Variants in PCDH15 observed in about 807,000 individuals in gnomAD.
The protein encoded by PCDH15 is protocadherin-15.
In PCDH15, 129 loss-of-function variants were observed where a neutral mutation model predicts 178.5. That is an observed-to-expected ratio of 0.72 (90% CI 0.63 to 0.84). The LOEUF (loss-of-function observed/expected upper bound fraction) is 0.84, where lower values mean the gene tolerates loss of function less well. PCDH15 is among the 40% of genes least tolerant of loss of function. The pLI, the probability that PCDH15 is intolerant of heterozygous loss-of-function variation, is 0.00. For missense variants in PCDH15, 2,230 were observed against 2,099.9 expected (o/e 1.06, Z -1.21); for synonymous variants, 800 against 732.0 (o/e 1.09, Z -1.50).
At chr10:54,997,809 G>C (rs922999133) in intron 2 of PCDH15, among the ~76,000 whole-genome samples, 14 of 152,074 alleles carry the variant, frequency 9.2e-5, no homozygotes, top group African/African-American at 4.8e-5. Context: ...AAAAATGAAA[G>C]ATTCCAGTAC....
intron 2 of PCDH15, among the ~76,000 whole-genome samples, chr10:55,016,425 C>T (rs913609027): frequency 2.6e-5 from 4 of 152,108 alleles, no homozygotes; most frequent in Non-Finnish European, 4.4e-5. Flanking sequence ...CCCCAGCCCC[C>T]GGTAACTGGC....
intron 2 of PCDH15, among the ~76,000 whole-genome samples, chr10:55,435,135 A>T (rs1184741686): frequency 6.6e-6 from 1 of 152,172 alleles, no homozygotes; most frequent in East Asian, 1.9e-4. Flanking sequence ...TCAGAAAAAA[A>T]TAGTAAGTAA....
chr10:54,706,032 C>T (rs2095361993), intron 1 of PCDH15, among the ~76,000 whole-genome samples: 1 of 152,096 alleles, frequency 6.6e-6, no homozygotes. Flanking sequence ...TAACAGTGAG[C>T]CAGATATTTT....
chr10:54,494,141 A>G, intron 3 of PCDH15, among the ~76,000 whole-genome samples: 1 of 151,730 alleles, frequency 6.6e-6, no homozygotes, highest in Non-Finnish European at 1.5e-5. Context: ...ATGCTAAATG[A>G]CGAGTTAATG....
At chr10:54,563,875 TG>T in intron 2 of PCDH15, among the ~76,000 whole-genome samples, 1 of 152,136 alleles carries the variant, frequency 6.6e-6, no homozygotes, top group Non-Finnish European at 1.5e-5. Context: ...CTTATTCCTC[TG>T]GTCAGTGTTG....
intron 2 of PCDH15, among the ~76,000 whole-genome samples, chr10:54,910,409 T>G (rs957126025): frequency 1.3e-5 from 2 of 152,228 alleles, no homozygotes; most frequent in African/African-American, 4.8e-5. Context: ...TTTGAGTGTC[T>G]ATGTTATCTG....
At chr10:55,548,930 G>A (rs1315682026) in intron 2 of PCDH15, among the ~76,000 whole-genome samples, 1 of 151,910 alleles carries the variant, frequency 6.6e-6, no homozygotes, top group Non-Finnish European at 1.5e-5. Flanking sequence ...AAAAGATGAT[G>A]GTTTAGAAAA....
At chr10:55,381,248 G>A (rs971941727) in intron 2 of PCDH15, among the ~76,000 whole-genome samples, 2 of 152,150 alleles carry the variant, frequency 1.3e-5, no homozygotes, top group Non-Finnish European at 2.9e-5. Flanking sequence ...AGAATCAATA[G>A]TATCAAACAA....
In PCDH15 at chr10:55,464,756, G is replaced by A. The variant is rs550533727; in HGVS notation, c.-156+162869C>T. 3.4e-5 allele frequency among the ~76,000 whole-genome samples: 5 copies of A among 149,252 alleles called. No individual in the cohort carries two copies. The East Asian group carries it at 7.8e-4, about 23-fold the overall frequency. On this transcript the variant is annotated intron_variant, in intron 2 of 5. Transcript: ENST00000613346. ...TATATGCAACAGTATATTGGGAGAA[G>A]TAACAATGATAAAAATTTCCTTTAG... is the stretch of plus-strand genomic sequence containing the variant.
intron 25 of PCDH15, among the ~76,000 whole-genome samples, chr10:53,921,539 A>C (rs534238781): frequency 6.6e-6 from 1 of 152,224 alleles, no homozygotes; most frequent in East Asian, 1.9e-4. Flanking sequence ...ACCCCTGGCC[A>C]AGGATACACA....
intron 25 of PCDH15, among the ~76,000 whole-genome samples, chr10:53,910,020 G>A (rs140411851): frequency 0.012 from 1,752 of 152,238 alleles, 38 homozygotes; most frequent in African/African-American, 0.04. Flanking sequence ...AAACTGGGAG[G>A]AGCCCACCGC....
chr10:54,313,321 C>T (rs857374), intron 8 of PCDH15, among the ~76,000 whole-genome samples: 109,258 of 151,846 alleles, frequency 0.72, 40,164 homozygotes, highest in Middle Eastern at 0.82. Context: ...TAATATTGGA[C>T]TGGGTTTGTC....
At chr10:55,283,179 G>A (rs975472130) in intron 1 of PCDH15, among the ~76,000 whole-genome samples, 2 of 151,968 alleles carry the variant, frequency 1.3e-5, no homozygotes, top group Admixed American at 6.6e-5. Context: ...GAGATATTTC[G>A]CAGACCCTGC....
At chr10:55,212,903 A>C (rs1255028278) in intron 1 of PCDH15, among the ~76,000 whole-genome samples, 1 of 152,002 alleles carries the variant, frequency 6.6e-6, no homozygotes, top group Non-Finnish European at 1.5e-5. Flanking sequence ...TTCCACCTTA[A>C]AGGTTATATT....
chr10:54,549,421 G>T (rs1565569811), intron 2 of PCDH15, among the ~76,000 whole-genome samples: 1 of 151,414 alleles, frequency 6.6e-6, no homozygotes, highest in Non-Finnish European at 1.5e-5. Context: ...TTACCCATAG[G>T]TTATTTAAAA....
At chr10:54,204,611 AT>A (rs1176073038) in intron 10 of PCDH15, among the ~76,000 whole-genome samples, 1 of 151,726 alleles carries the variant, frequency 6.6e-6, no homozygotes, top group Non-Finnish European at 1.5e-5. Context: ...TACTAAAAAA[AT>A]AAGCTATGAA....
chr10:54,491,456 G>C (rs985835552), intron 3 of PCDH15, among the ~76,000 whole-genome samples: 6 of 151,988 alleles, frequency 3.9e-5, no homozygotes, highest in African/African-American at 1.4e-4. Flanking sequence ...AGTCCACATA[G>C]TTTTAAGAAA....
At chr10:53,990,026 A>T (rs1307249853) in intron 21 of PCDH15, among the ~76,000 whole-genome samples, 1 of 152,176 alleles carries the variant, frequency 6.6e-6, no homozygotes, top group Non-Finnish European at 1.5e-5. Flanking sequence ...CCGCTAATAG[A>T]TTGTAACAGA....
At position 55,463,962 on chromosome 10, in the gene PCDH15, AAAGAAAG is replaced by A. The variant is rs1839755527; in HGVS notation, c.-156+163656_-156+163662del. Among the ~76,000 whole-genome samples, 2 of 48,294 alleles carry A rather than the reference AAAGAAAG, an allele frequency of 4.1e-5. 1 individual carries two copies. Among genetic ancestry groups the A allele is most frequent in the Non-Finnish European group, 6.7e-5 (2 of 29,798 alleles). The allele number at this position is 48,294 out of a possible 152,430, so 31.7% of individuals were successfully genotyped here. A position where few individuals can be genotyped will look rare whatever the true frequency, so the allele number is the denominator to read the frequency against. On this transcript the variant is annotated intron_variant, in intron 2 of 5. Coordinates refer to the PCDH15 transcript ENST00000613346. ...GAAAGAAAGAAAGAAAGAAAGAAAG[AAAGAAAG>A]AAAGAGAAAGAAAGAAAGAAAGAGA...
Sources: gnomAD v4.1 joint callset for allele counts (sites outside exome capture counted in the v4.1 genomes callset) on GRCh38, gnomAD v4.1.1 for gene constraint, MANE v1.5 for transcripts, NCBI Gene and HGNC (gene_info 2026-07-23, HGNC 2026-07-21) for gene names.